Variants in ERCC6L2 observed in about 807,000 individuals in gnomAD.
ERCC6L2 encodes DNA excision repair protein ERCC-6-like 2.
In ERCC6L2, 77 loss-of-function variants were observed where a neutral mutation model predicts 132.0. The ratio of observed to expected loss-of-function variants is 0.58; its 90% CI spans 0.49 to 0.71. The LOEUF is 0.71. Among genes scored for constraint, ERCC6L2 ranks in the 30% least tolerant of loss-of-function variants. ERCC6L2 has a pLI of 0.00. For missense variants in ERCC6L2, 1,542 were observed against 1,837.6 expected (o/e 0.84, Z 2.94); for synonymous variants, 583 against 632.4 (o/e 0.92, Z 1.17).
At position 96,014,064 on chromosome 9, in the gene ERCC6L2, C is replaced by G. The variant is rs1273838821; in HGVS notation, c.*861C>G. ...ATTGTTGAATGCATGTATTTAGAAGCCTTTACTCAGCCCCTGTGTTCTGTG... is the reference window on the plus strand; with the variant it reads ...ATTGTTGAATGCATGTATTTAGAAGGCTTTACTCAGCCCCTGTGTTCTGTG... On this transcript the variant is annotated 3_prime_UTR_variant, in exon 19 of 19. Transcript: ENST00000653738. 2 of 152,148 alleles carry G rather than the reference C, an allele frequency of 1.3e-5. No individual in the cohort carries two copies. The highest frequency in any genetic ancestry group is 3.8e-4 in the East Asian group (2 of 5,200). 9.4% of individuals were successfully genotyped at this position (152,148 alleles called of 1,614,324 possible).
intron 11 of ERCC6L2, among the ~76,000 whole-genome samples, chr9:95,938,501 T>C (rs1158889529): frequency 2.0e-5 from 3 of 152,154 alleles, no homozygotes; most frequent in Admixed American, 6.5e-5. Context: ...TTTGACTTCA[T>C]GTATCTTTCA....
intron 11 of ERCC6L2, among the ~76,000 whole-genome samples, chr9:95,939,949 G>A (rs1830722100): frequency 6.6e-6 from 1 of 152,164 alleles, no homozygotes; most frequent in Admixed American, 6.6e-5. Flanking sequence ...TTGACACCAT[G>A]CCAGCCAAGT....
chr9:95,880,739 G>C, intron 1 of ERCC6L2, 130 bp from the exon 2 acceptor site: 1 of 692,940 alleles, frequency 1.4e-6, no homozygotes, highest in Non-Finnish European at 2.4e-6. Flanking sequence ...ATACATGTTA[G>C]AATTTATCTT....
intron 7 of ERCC6L2, among the ~76,000 whole-genome samples, chr9:95,921,947 A>C (rs1215805599): frequency 6.6e-6 from 1 of 152,134 alleles, no homozygotes; most frequent in Non-Finnish European, 1.5e-5. Context: ...GTTTCCTAGG[A>C]GCCTTGGAGC....
chr9:95,921,185 G>T lies in ERCC6L2; in HGVS notation c.1169G>T (p.Cys390Phe). Residue 390 changes from cysteine to phenylalanine, a missense_variant, in exon 7 of 19, where the codon TGT (cysteine) becomes TTT (phenylalanine). Physicochemically the swap from Cys to Phe is radical, Grantham distance 205. Transcript: ENST00000653738. ...ATTTTATCTTGGCAGATGGTGTATTGTTCTTTGACAGATTTCCAGAAAGCT... is the reference window on the plus strand; with the variant it reads ...ATTTTATCTTGGCAGATGGTGTATTTTTCTTTGACAGATTTCCAGAAAGCT... ...LPKKEDRMVYCSLTDFQKAVY... is the reference protein window; with the variant it reads ...LPKKEDRMVYFSLTDFQKAVY... 1 of 1,611,010 alleles carries T rather than the reference G, an allele frequency of 6.2e-7. No homozygotes were observed. The highest frequency in any genetic ancestry group is 1.1e-5 in the South Asian group (1 of 90,546).
In ERCC6L2 at chr9:96,004,679, G is replaced by A. The variant is rs763270659; in HGVS notation, c.3652G>A (p.Glu1218Lys). 15 of 1,343,404 alleles carry A rather than the reference G, an allele frequency of 1.1e-5. No individual in the cohort carries two copies. The highest frequency in any genetic ancestry group is 1.4e-5 in the Non-Finnish European group (14 of 1,009,012). The allele number at this position is 1,343,404 out of a possible 1,614,324, so 83.2% of individuals were successfully genotyped here. ...AAACCAGACCACCTTCATAATTGGAGAAACACCAAAAGGAATCCGCAGGTA... is the reference window on the plus strand; with the variant it reads ...AAACCAGACCACCTTCATAATTGGAAAAACACCAAAAGGAATCCGCAGGTA... ...HTNQTTFIIG[E>K]TPKGIRRKQF... The change falls in exon 18 of 19, where the codon GAA becomes AAA. Residue 1218 changes from glutamate (E) to lysine (K), a missense_variant. Transcript: ENST00000653738.
intron 16 of ERCC6L2, among the ~76,000 whole-genome samples, chr9:95,973,363 A>G (rs574527873): frequency 6.6e-6 from 1 of 152,202 alleles, no homozygotes; most frequent in South Asian, 2.1e-4. Context: ...CTCTATAGTA[A>G]TTACTTATTT....
chr9:95,995,458 A>T (rs1275637921), intron 17 of ERCC6L2, among the ~76,000 whole-genome samples: 1 of 152,244 alleles, frequency 6.6e-6, no homozygotes, highest in Non-Finnish European at 1.5e-5. Flanking sequence ...TAGTTAGTAG[A>T]TCTAGGGTGG....
chr9:95,990,942 G>A (rs866353589), intron 17 of ERCC6L2, among the ~76,000 whole-genome samples: 10 of 152,150 alleles, frequency 6.6e-5, no homozygotes, highest in African/African-American at 1.7e-4. Flanking sequence ...AGCAGAAAGG[G>A]AGGCTGGAAA....
At chr9:95,906,856 G>T in intron 3 of ERCC6L2, 5 of 567,676 alleles carry the variant, frequency 8.8e-6, no homozygotes, top group Non-Finnish European at 1.3e-5. Context: ...TTTGAGCAAG[G>T]TTAGGTGTCT....
At chr9:95,901,736 T>C (rs949869379) in intron 3 of ERCC6L2, among the ~76,000 whole-genome samples, 8 of 152,256 alleles carry the variant, frequency 5.3e-5, no homozygotes, top group African/African-American at 1.9e-4. Context: ...GGATTTATTA[T>C]GTTTGTTCTT....
At position 95,927,938 on chromosome 9, in the gene ERCC6L2, A is replaced by G. The variant is rs571314560; in HGVS notation, c.1534-141A>G. 23 of 556,046 alleles carry G rather than the reference A, an allele frequency of 4.1e-5. No individual in the cohort carries two copies. The South Asian group carries it at 5.5e-4, about 13-fold the overall frequency. The allele number at this position is 556,046 out of a possible 1,614,324, so 34.4% of individuals were successfully genotyped here. The stretch of plus-strand genomic sequence containing the variant: ...AATACTTTATTTCTCTAACTTGGAA[A>G]AAATGAAAGGAATTAGAAAAAATGA... On this transcript the variant is annotated intron_variant, in intron 9 of 18. Transcript: ENST00000653738.
At chr9:95,923,609 A>C (rs968460686) in intron 9 of ERCC6L2, among the ~76,000 whole-genome samples, 1 of 152,134 alleles carries the variant, frequency 6.6e-6, no homozygotes, top group African/African-American at 2.4e-5. Flanking sequence ...ATATACTTCA[A>C]ATTTTCCTTA....
Position 96,012,468 on chromosome 9 carries a change from A to G in ERCC6L2, c.3918A>G (p.Pro1306=), listed in dbSNP as rs757319250. The change falls in exon 19 of 19, where the codon CCA becomes CCG. Residue 1306 remains proline, a synonymous_variant. Transcript: ENST00000653738. ...ATAAAAGAGAATCTCTTATAAAACCAAGGCTGTCAGATTCTGAAACCTTGT... is the reference window on the plus strand; with the variant it reads ...ATAAAAGAGAATCTCTTATAAAACCGAGGCTGTCAGATTCTGAAACCTTGT... The part of the protein sequence containing the change: ...KSDKRESLIK[P]RLSDSETLSF... 5.1e-5 allele frequency: 70 copies of G among 1,367,258 alleles called. 1 individual carries two copies. In the Admixed American group the frequency reaches 6.9e-4, roughly 13 times the overall value. The allele number at this position is 1,367,258 out of a possible 1,614,324, so 84.7% of individuals were successfully genotyped here.
intron 17 of ERCC6L2, among the ~76,000 whole-genome samples, chr9:95,978,921 G>A (rs901835223): frequency 6.6e-6 from 1 of 152,124 alleles, no homozygotes; most frequent in African/African-American, 2.4e-5. Flanking sequence ...AAGAATGAAG[G>A]TGAGGGTAGA....
rs528823674 is a variant in ERCC6L2, at chr9:95,932,172, TCTC to T, written c.1751+3311_1751+3313del. Among the ~76,000 whole-genome samples, 1,314 of 152,114 alleles carry T rather than the reference TCTC, an allele frequency of 8.6e-3. 25 individuals are homozygous for T. The highest frequency in any genetic ancestry group is 0.03 in the African/African-American group (1,247 of 41,494). ...CTCCGCCTCCCGGATTTCAAGCAAT[TCTC>T]CTGCCTCAGCCTCCCGAGCAGCTGG... is the stretch of plus-strand genomic sequence containing the variant. On this transcript the variant is annotated intron_variant, in intron 11 of 18. Coordinates refer to ENST00000653738, the MANE Select transcript of ERCC6L2 (RefSeq NM_020207.7).
intron 1 of ERCC6L2, among the ~76,000 whole-genome samples, chr9:95,877,535 A>G (rs1198078382): frequency 6.6e-6 from 1 of 152,156 alleles, no homozygotes; most frequent in African/African-American, 2.4e-5. Flanking sequence ...ATAATTTGTA[A>G]TAGGCCAGGC....
At chr9:95,922,534 G>T in intron 8 of ERCC6L2, 116 bp downstream of exon 8, 1 of 653,374 alleles carries the variant, frequency 1.5e-6, no homozygotes, top group South Asian at 2.0e-5. Context: ...AAACTGATTT[G>T]CTTATTTTTA....
At chr9:96,032,652 C>T (rs147910332) in intron 19 of ERCC6L2, among the ~76,000 whole-genome samples, 1 of 152,328 alleles carries the variant, frequency 6.6e-6, no homozygotes, top group East Asian at 1.9e-4. Flanking sequence ...CCCCTCACAC[C>T]TGCGGCAACT....
Sources: allele counts gnomAD v4.1 joint callset (sites outside exome capture counted in the v4.1 genomes callset), GRCh38; gene constraint gnomAD v4.1.1; transcripts MANE v1.5; gene names NCBI Gene and HGNC (gene_info 2026-07-23, HGNC 2026-07-21).